The following EXOC2 variants were observed in gnomAD, a reference collection of about 807,000 sequenced individuals.
EXOC2 encodes the protein exocyst complex component 2.
A neutral mutation model predicts 131.8 loss-of-function variants in EXOC2; 70 were observed. The ratio of observed to expected loss-of-function variants is 0.53; its 90% CI spans 0.44 to 0.65. The LOEUF (loss-of-function observed/expected upper bound fraction) is 0.65. Among genes scored for constraint, EXOC2 ranks in the 30% least tolerant of loss-of-function variants. The pLI, the probability that EXOC2 is intolerant of heterozygous loss-of-function variation, is 0.00. For missense variants in EXOC2, 923 were observed against 1,108.6 expected (o/e 0.83, Z 2.38); for synonymous variants, 411 against 398.4 (o/e 1.03, Z -0.38).
At chr6:692,665 G>A (rs1455978548) in intron 1 of EXOC2, among the ~76,000 whole-genome samples, 2 of 152,272 alleles carry the variant, frequency 1.3e-5, no homozygotes, top group Non-Finnish European at 2.9e-5. Context: ...AAATCTCACG[G>A]AGTGGCAACT....
chr6:564,932 TAAAAATTAAAAA>T lies in EXOC2; in HGVS notation c.1444-15_1444-4del. On this transcript the variant is annotated splice_polypyrimidine_tract_variant and splice_region_variant and intron_variant, in intron 13 of 27. Coordinates refer to ENST00000230449, the MANE Select transcript of EXOC2 (RefSeq NM_018303.6). Reference sequence around the variant, plus strand: ...ATCTGGCCTGACTTCTCAGCAGTCTTAAAAATTAAAAAAACAAAATAAAACATATTAGAAATA... The same window carrying T: ...ATCTGGCCTGACTTCTCAGCAGTCTTAACAAAATAAAACATATTAGAAATA... The T allele has an allele frequency of 6.3e-7, 1 of 1,590,928 alleles. No homozygotes were observed. The highest frequency in any genetic ancestry group is 8.5e-7 in the Non-Finnish European group (1 of 1,172,268).
At chr6:609,109 C>G (rs1760581977) in intron 7 of EXOC2, among the ~76,000 whole-genome samples, 1 of 152,200 alleles carries the variant, frequency 6.6e-6, no homozygotes, top group Non-Finnish European at 1.5e-5. Context: ...AATGCTACTA[C>G]CAAGAGAACA....
intron 25 of EXOC2, among the ~76,000 whole-genome samples, chr6:496,524 G>A (rs773279790): frequency 9.2e-5 from 14 of 152,096 alleles, no homozygotes; most frequent in African/African-American, 2.4e-4. Flanking sequence ...TCACCTAGCC[G>A]TAGTTGTGGC....
chr6:623,006 AG>A (rs1189309140), intron 4 of EXOC2, among the ~76,000 whole-genome samples: 4 of 152,246 alleles, frequency 2.6e-5, no homozygotes, highest in Non-Finnish European at 5.9e-5. Flanking sequence ...TCCTACCCCC[AG>A]GAGTCCCTCC....
At position 556,531 on chromosome 6, in the gene EXOC2, G is replaced by A; in HGVS notation, c.1885C>T (p.Leu629=). The A allele has an allele frequency of 4.3e-6, 7 of 1,614,158 alleles. No individual in the cohort carries two copies. Among genetic ancestry groups the A allele is most frequent in the African/African-American group, 1.3e-5 (1 of 75,038 alleles). ...TCCAGAACCCCCTTCAGTGACTGCAGAGAACACACGATGCACTGTTCAAAC... is the reference window on the plus strand; with the variant it reads ...TCCAGAACCCCCTTCAGTGACTGCAAAGAACACACGATGCACTGTTCAAAC... The part of the protein sequence containing the change: ...CQFEQCIVCS[L]QSLKGVLECK... The change falls in exon 18 of 28, where the codon CTG becomes TTG. Residue 629 remains leucine, a synonymous_variant. Coordinates refer to ENST00000230449, the MANE Select transcript of EXOC2 (RefSeq NM_018303.6).
chr6:493,764 G>C (rs1763567598), intron 25 of EXOC2, among the ~76,000 whole-genome samples: 1 of 152,144 alleles, frequency 6.6e-6, no homozygotes, highest in African/African-American at 2.4e-5. Context: ...TTAGACTCAC[G>C]ACCTTTTTCA....
chr6:574,752 AG>A (rs1254200501), intron 12 of EXOC2, among the ~76,000 whole-genome samples: 2 of 152,274 alleles, frequency 1.3e-5, no homozygotes, highest in Non-Finnish European at 2.9e-5. Flanking sequence ...ATGCTGAACA[AG>A]GCAGGCTCTG....
intron 16 of EXOC2, among the ~76,000 whole-genome samples, chr6:563,675 C>G (rs1207439453): frequency 6.6e-6 from 1 of 152,066 alleles, no homozygotes; most frequent in East Asian, 1.9e-4. Context: ...TTTGATTGGA[C>G]ATTGATTTCT....
intron 1 of EXOC2, among the ~76,000 whole-genome samples, chr6:658,912 T>C (rs1470654054): frequency 1.3e-5 from 2 of 152,084 alleles, no homozygotes; most frequent in East Asian, 3.9e-4. Flanking sequence ...TCTGCCCACC[T>C]TGGCCTCTCA....
chr6:553,975 T>C (rs1581425901), intron 20 of EXOC2, 55 bp from the exon 21 acceptor site: 3 of 1,343,830 alleles, frequency 2.2e-6, no homozygotes, highest in Admixed American at 3.4e-5. Context: ...AATTCAAAAA[T>C]GCAATGAACT....
At chr6:657,031 C>T in intron 1 of EXOC2, 1 of 1,083,778 alleles carries the variant, frequency 9.2e-7, no homozygotes, top group Admixed American at 2.8e-5. Flanking sequence ...CGTGGCGCTG[C>T]CCTCCCCGCC....
chr6:557,082 A>C (rs1757453161), intron 17 of EXOC2, among the ~76,000 whole-genome samples: 1 of 152,216 alleles, frequency 6.6e-6, no homozygotes, highest in African/African-American at 2.4e-5. Context: ...GAAACCTGAA[A>C]ATATGCCCAA....
rs1761179831 is a variant in EXOC2 at position 619,542 on chromosome 6, T to C, written c.424A>G (p.Ser142Gly). 4 of 1,608,954 alleles carry C rather than the reference T, an allele frequency of 2.5e-6. No homozygotes were observed. In the South Asian group the frequency reaches 4.4e-5, roughly 18 times the overall value. ...TCTAAGTCCTTCTGCGAAAATTTAC[T>C]TCTGAGGGGAAAAAACGTTTAAAAT... is the stretch of plus-strand genomic sequence containing the variant. The part of the protein sequence containing the change: ...ANPLGIEIEK[S>G]KFSQKDLEML... Residue 142 changes from serine to glycine, a missense_variant and splice_region_variant, in exon 5 of 28, where the codon AGT becomes GGT. Ser to Gly is a moderately conservative substitution (Grantham distance 56, BLOSUM62 0). Transcript: ENST00000230449.
At chr6:628,012 G>A (rs1432665543) in intron 4 of EXOC2, among the ~76,000 whole-genome samples, 3 of 152,092 alleles carry the variant, frequency 2.0e-5, no homozygotes, top group Admixed American at 6.5e-5. Flanking sequence ...TTCCTATGTG[G>A]CAGAACAATG....
intron 21 of EXOC2, 54 bp downstream of exon 21, chr6:553,800 A>C: frequency 4.7e-6 from 7 of 1,489,622 alleles, no homozygotes; most frequent in Non-Finnish European, 6.6e-6. Context: ...GATTTGCGAA[A>C]TTGTTGTTAC....
At chr6:490,156 T>A (rs1340482126) in intron 26 of EXOC2, among the ~76,000 whole-genome samples, 2 of 151,998 alleles carry the variant, frequency 1.3e-5, no homozygotes, top group African/African-American at 4.8e-5. Context: ...ATTGGCAGGG[T>A]ACTGAAAATT....
chr6:681,320 A>G (rs1019467055), intron 1 of EXOC2, among the ~76,000 whole-genome samples: 8 of 152,208 alleles, frequency 5.3e-5, no homozygotes, highest in Admixed American at 1.3e-4. Flanking sequence ...GGGTGACAAG[A>G]GGTCCAGTTC....
intron 12 of EXOC2, among the ~76,000 whole-genome samples, chr6:575,889 T>C (rs1053687218): frequency 6.6e-6 from 1 of 152,198 alleles, no homozygotes; most frequent in Non-Finnish European, 1.5e-5. Flanking sequence ...TTTGTTCTAA[T>C]GTTTGGTGAG....
At chr6:631,765 A>G (rs1761870288) in intron 3 of EXOC2, among the ~76,000 whole-genome samples, 1 of 152,188 alleles carries the variant, frequency 6.6e-6, no homozygotes, top group African/African-American at 2.4e-5. Context: ...TTTTGAAGAC[A>G]CTAAATAAAA....
Sources: gnomAD v4.1 joint callset for allele counts (sites outside exome capture counted in the v4.1 genomes callset) on GRCh38, gnomAD v4.1.1 for gene constraint, MANE v1.5 for transcripts, NCBI Gene and HGNC (gene_info 2026-07-23, HGNC 2026-07-21) for gene names.